Variants in CIMAP3 observed in about 807,000 individuals in gnomAD.
The protein encoded by CIMAP3 is ciliary microtubule-associated protein 3.
the CIMAP3 span, among the ~76,000 whole-genome samples, chr1:111,340,679 T>TGGCAATCATTAAAAAGTCA: frequency 6.6e-6 from 1 of 152,188 alleles, no homozygotes; most frequent in African/African-American, 2.4e-5. Context: ...CCAGTTAGAA[T>TGGCAATCATTAAAAAGTCA]GGCAATCATT....
At chr1:111,351,166 G>GT in the CIMAP3 span, 18,846 of 572,770 alleles carry the variant, frequency 0.033, 144 homozygotes, top group South Asian at 0.044. Context: ...ATAATGTACA[G>GT]TTTTTTTTTT....
chr1:111,345,308 C>T, the CIMAP3 span, among the ~76,000 whole-genome samples: 2 of 152,096 alleles, frequency 1.3e-5, no homozygotes, highest in African/African-American at 4.8e-5. Flanking sequence ...AAGCTTGGCT[C>T]CTCATAACAA....
At chr1:111,333,822 T>G in the CIMAP3 span, among the ~76,000 whole-genome samples, 2 of 152,092 alleles carry the variant, frequency 1.3e-5, no homozygotes, top group Non-Finnish European at 2.9e-5. Context: ...TTTTGGGGAG[T>G]GTCAGAAATA....
the CIMAP3 span, among the ~76,000 whole-genome samples, chr1:111,333,011 C>T: frequency 7.9e-3 from 1,207 of 152,322 alleles, 16 homozygotes; most frequent in African/African-American, 0.027. Context: ...GGCCTGTCTG[C>T]AGTGAGTAGG....
chr1:111,328,932 C>T, the CIMAP3 span, among the ~76,000 whole-genome samples: 3 of 152,148 alleles, frequency 2.0e-5, no homozygotes, highest in Admixed American at 2.0e-4. Context: ...TGTTTAGTTG[C>T]TTTACAATTA....
the CIMAP3 span, among the ~76,000 whole-genome samples, chr1:111,329,071 C>T: frequency 6.6e-6 from 1 of 152,156 alleles, no homozygotes; most frequent in Non-Finnish European, 1.5e-5. Flanking sequence ...ATTTACTTAT[C>T]TAAAAAGGAT....
chr1:111,338,009 G>A, the CIMAP3 span, among the ~76,000 whole-genome samples: 4 of 149,572 alleles, frequency 2.7e-5, no homozygotes, highest in East Asian at 7.8e-4. Flanking sequence ...TCAGACCACA[G>A]TGCAATCAAA....
the CIMAP3 span, among the ~76,000 whole-genome samples, chr1:111,327,481 G>A: frequency 6.6e-6 from 1 of 151,934 alleles, no homozygotes; most frequent in African/African-American, 2.4e-5. Flanking sequence ...GAATCTATCA[G>A]GTCCCAGGCT....
the CIMAP3 span, among the ~76,000 whole-genome samples, chr1:111,340,285 C>T: frequency 6.6e-6 from 1 of 151,436 alleles, no homozygotes; most frequent in African/African-American, 2.4e-5. Context: ...CCATTCAGGA[C>T]ATAGGCATGG....
the CIMAP3 span, among the ~76,000 whole-genome samples, chr1:111,327,007 T>C: frequency 1.3e-5 from 2 of 152,166 alleles, no homozygotes; most frequent in African/African-American, 4.8e-5. Flanking sequence ...TGTCTATGAA[T>C]ACTTCGCAAA....
At chr1:111,331,046 G>A in the CIMAP3 span, among the ~76,000 whole-genome samples, 1 of 152,162 alleles carries the variant, frequency 6.6e-6, no homozygotes, top group East Asian at 1.9e-4. Flanking sequence ...TGCCCTATAA[G>A]GTTTCTGCTG....
chr1:111,347,641 G>GTTTTTTT, the CIMAP3 span: 9 of 1,071,186 alleles, frequency 8.4e-6, no homozygotes, highest in South Asian at 6.1e-5. Flanking sequence ...TTTTTTTGGT[G>GTTTTTTT]TTTTTGTTTG....
the CIMAP3 span, among the ~76,000 whole-genome samples, chr1:111,341,612 T>C: frequency 6.6e-6 from 1 of 152,204 alleles, no homozygotes; most frequent in South Asian, 2.1e-4. Context: ...TCAAGGTTGT[T>C]GTGAGGCTTA....
the CIMAP3 span, chr1:111,350,291 C>G: frequency 4.9e-6 from 6 of 1,230,466 alleles, no homozygotes; most frequent in East Asian, 1.4e-4. Flanking sequence ...ATTAGGGACT[C>G]TTAATTAGGG....
chr1:111,339,890 A>G, the CIMAP3 span, among the ~76,000 whole-genome samples: 2 of 151,802 alleles, frequency 1.3e-5, no homozygotes, highest in East Asian at 1.9e-4. Flanking sequence ...AAGAGCCCGC[A>G]TCGCCAAGTC....
chr1:111,351,942 A>C, the CIMAP3 span: 1 of 152,232 alleles, frequency 6.6e-6, no homozygotes, highest in African/African-American at 2.4e-5. Context: ...AGCAGTAAGC[A>C]CTGGGGATAT....
the CIMAP3 span, among the ~76,000 whole-genome samples, chr1:111,345,253 G>A: frequency 1.3e-5 from 2 of 152,234 alleles, no homozygotes; most frequent in African/African-American, 4.8e-5. Flanking sequence ...AAAATGCTTG[G>A]AGTAAATTAT....
chr1:111,351,169 T>G, the CIMAP3 span: 252 of 303,402 alleles, frequency 8.3e-4, no homozygotes, highest in Admixed American at 1.9e-3. Context: ...ATGTACAGTT[T>G]TTTTTTTTTT....
At chr1:111,351,205 G>T in the CIMAP3 span, 9 of 902,236 alleles carry the variant, frequency 1.0e-5, no homozygotes, top group South Asian at 1.3e-5. Flanking sequence ...GGGAAGACCA[G>T]AGGCAGAGGG....
Sources: gnomAD v4.1 joint callset for allele counts (sites outside exome capture counted in the v4.1 genomes callset) on GRCh38, gnomAD v4.1.1 for gene constraint, MANE v1.5 for transcripts, NCBI Gene and HGNC (gene_info 2026-07-23, HGNC 2026-07-21) for gene names.